The following KCNH7 variants were observed in gnomAD, a reference collection of about 807,000 sequenced individuals.
The protein encoded by KCNH7 is voltage-gated inwardly rectifying potassium channel KCNH7.
Under a neutral mutation model 120.8 loss-of-function variants are expected in KCNH7, and 49 were observed. The observed-to-expected ratio is 0.41, with a 90% CI of 0.32 to 0.51. The LOEUF (loss-of-function observed/expected upper bound fraction) is 0.51, where lower values mean the gene tolerates loss of function less well. KCNH7 is among the 20% of genes least tolerant of loss of function. The pLI, the probability that KCNH7 is intolerant of heterozygous loss-of-function variation, is 0.38. For missense variants in KCNH7, 1,097 were observed against 1,446.6 expected, an observed-to-expected ratio of 0.76 and a Z score of 3.92; for synonymous variants, 547 against 516.1, an observed-to-expected ratio of 1.06 and a Z score of -0.81.
intron 2 of KCNH7, among the ~76,000 whole-genome samples, chr2:162,747,791 A>G (rs953337343): frequency 6.6e-6 from 1 of 152,218 alleles, no homozygotes; most frequent in African/African-American, 2.4e-5. Context: ...CAATACTTAT[A>G]TAACATTTTT....
At chr2:162,710,001 T>C (rs940556180) in intron 2 of KCNH7, among the ~76,000 whole-genome samples, 1 of 152,060 alleles carries the variant, frequency 6.6e-6, no homozygotes. Context: ...CTTCTGCACA[T>C]GAATGAGCAT....
At chr2:162,624,695 C>T (rs1375076725) in intron 2 of KCNH7, among the ~76,000 whole-genome samples, 5 of 151,976 alleles carry the variant, frequency 3.3e-5, no homozygotes, top group Non-Finnish European at 5.9e-5. Flanking sequence ...ATACATCTTT[C>T]CAGAATGAGA....
intron 6 of KCNH7, among the ~76,000 whole-genome samples, chr2:162,499,373 A>G (rs1690600799): frequency 6.6e-6 from 1 of 152,116 alleles, no homozygotes; most frequent in Admixed American, 6.6e-5. Context: ...ACTCCATTGG[A>G]ATTTGGTAGA....
Position 162,502,708 on chromosome 2 carries a change from T to TTA in KCNH7, c.1128+1733_1128+1734dup, listed in dbSNP as rs564615635. 7.6e-3 allele frequency among the ~76,000 whole-genome samples: 1,152 copies of TTA among 152,144 alleles called. 6 individuals carry two copies. The highest frequency in any genetic ancestry group is 0.019 in the South Asian group (90 of 4,822). ...TTACCATGCATTTCATTATTGATAT[T>TTA]TATATATATGCTTCCTGTCCCACTA... On this transcript the variant is annotated intron_variant, in intron 6 of 15. Coordinates refer to ENST00000332142, the MANE Select transcript of KCNH7 (RefSeq NM_033272.4).
intron 2 of KCNH7, among the ~76,000 whole-genome samples, chr2:162,593,501 C>A (rs1397822126): frequency 6.6e-6 from 1 of 151,990 alleles, no homozygotes; most frequent in African/African-American, 2.4e-5. Context: ...CAACATTTTT[C>A]TTTCCTTCCA....
At chr2:162,613,656 A>C (rs1279746252) in intron 2 of KCNH7, among the ~76,000 whole-genome samples, 1 of 151,964 alleles carries the variant, frequency 6.6e-6, no homozygotes, top group Non-Finnish European at 1.5e-5. Flanking sequence ...TATTGCTCAA[A>C]AGGTATTGGG....
intron 2 of KCNH7, among the ~76,000 whole-genome samples, chr2:162,758,783 C>T (rs1035622601): frequency 2.6e-5 from 4 of 152,040 alleles, no homozygotes; most frequent in South Asian, 4.1e-4. Context: ...TCAATTTACA[C>T]AAGTTTCAAT....
At chr2:162,824,383 C>A (rs1026457222) in intron 2 of KCNH7, among the ~76,000 whole-genome samples, 2 of 152,096 alleles carry the variant, frequency 1.3e-5, no homozygotes, top group Non-Finnish European at 2.9e-5. Flanking sequence ...GGTTGTGCAT[C>A]ATTAATGGCA....
chr2:162,481,293 G>C (rs1689922834), intron 6 of KCNH7, among the ~76,000 whole-genome samples: 1 of 152,072 alleles, frequency 6.6e-6, no homozygotes, highest in African/African-American at 2.4e-5. Context: ...TTTTGCCTTG[G>C]AAATGACACT....
intron 1 of KCNH7, among the ~76,000 whole-genome samples, chr2:162,838,054 A>G (rs1385118229): frequency 6.6e-6 from 1 of 152,232 alleles, no homozygotes; most frequent in African/African-American, 2.4e-5. Context: ...TACCATTTAC[A>G]TTCTCTTGTT....
intron 2 of KCNH7, among the ~76,000 whole-genome samples, chr2:162,642,788 GC>G (rs1432598474): frequency 6.6e-6 from 1 of 152,184 alleles, no homozygotes; most frequent in East Asian, 1.9e-4. Context: ...CTGTGTTCTT[GC>G]TATTCCTGTA....
At chr2:162,666,172 G>A (rs1685126203) in intron 2 of KCNH7, among the ~76,000 whole-genome samples, 1 of 152,034 alleles carries the variant, frequency 6.6e-6, no homozygotes, top group Non-Finnish European at 1.5e-5. Context: ...CAAATAGGGA[G>A]GCCAGTTGTC....
At chr2:162,753,031 A>AATAAC (rs1559116574) in intron 2 of KCNH7, among the ~76,000 whole-genome samples, 1 of 127,766 alleles carries the variant, frequency 7.8e-6, no homozygotes, top group African/African-American at 3.4e-5. Context: ...AAGAAAAGAA[A>AATAAC]CCCTGACTAA....
rs1291456132 is a variant in KCNH7 at position 162,624,887 on chromosome 2, TG to T, written c.308-87808del. Among the ~76,000 whole-genome samples the T allele has an allele frequency of 7.1e-5, 10 of 141,090 alleles. 1 individual carries two copies. Among genetic ancestry groups the T allele is most frequent in the South Asian group, 2.3e-4 (1 of 4,286 alleles). The allele number at this position is 141,090 out of a possible 152,430, so 92.6% of individuals were successfully genotyped here. On this transcript the variant is annotated intron_variant, in intron 2 of 15. Coordinates refer to ENST00000332142, the MANE Select transcript of KCNH7 (RefSeq NM_033272.4). The stretch of plus-strand genomic sequence containing the variant: ...AGCATGGTGGTTAAACGTGCACTCT[TG>T]GTTTTTTTTTTTTTTTTTTTTTTTT...
At chr2:162,622,166 C>G (rs1308789554) in intron 2 of KCNH7, among the ~76,000 whole-genome samples, 1 of 152,186 alleles carries the variant, frequency 6.6e-6, no homozygotes, top group Non-Finnish European at 1.5e-5. Context: ...ATATACAATA[C>G]TTCTGTGTGT....
intron 2 of KCNH7, among the ~76,000 whole-genome samples, chr2:162,765,587 C>CA (rs1448566628): frequency 6.6e-6 from 1 of 152,024 alleles, no homozygotes; most frequent in Non-Finnish European, 1.5e-5. Context: ...TAAAAGATAA[C>CA]AAAAAATGTT....
At chr2:162,698,032 T>C (rs1462819018) in intron 2 of KCNH7, among the ~76,000 whole-genome samples, 1 of 152,126 alleles carries the variant, frequency 6.6e-6, no homozygotes, top group African/African-American at 2.4e-5. Context: ...TCAGAGCGCA[T>C]ACAAATTGGA....
intron 8 of KCNH7, among the ~76,000 whole-genome samples, chr2:162,424,916 T>A (rs957703703): frequency 2.0e-5 from 3 of 152,176 alleles, no homozygotes; most frequent in Admixed American, 2.0e-4. Context: ...TGCCTGGATA[T>A]TTGGTTACAC....
intron 2 of KCNH7, among the ~76,000 whole-genome samples, chr2:162,656,101 C>T (rs1684752065): frequency 6.6e-6 from 1 of 152,106 alleles, no homozygotes; most frequent in Middle Eastern, 3.2e-3. Flanking sequence ...TTTTGTAAAA[C>T]ATGAAAGTCA....
Sources: allele counts gnomAD v4.1 joint callset (sites outside exome capture counted in the v4.1 genomes callset), GRCh38; gene constraint gnomAD v4.1.1; transcripts MANE v1.5; gene names NCBI Gene and HGNC (gene_info 2026-07-23, HGNC 2026-07-21).